The following PTGIS variants were observed in gnomAD, a reference collection of about 807,000 sequenced individuals.
PTGIS encodes the protein prostacyclin synthase.
A neutral mutation model predicts 50.3 loss-of-function variants in PTGIS; 45 were observed. The observed-to-expected ratio is 0.90, with a 90% CI of 0.70 to 1.15. The LOEUF is 1.15. PTGIS is among the 50% of genes most tolerant of loss of function. The probability of loss-of-function intolerance (pLI) is 0.00; values close to 1 mark genes in which losing one functional copy is unlikely to be tolerated. For missense variants in PTGIS, 668 were observed against 661.3 expected (o/e 1.01, Z -0.11); for synonymous variants, 260 against 267.7 (o/e 0.97, Z 0.28).
intron 5 of PTGIS, among the ~76,000 whole-genome samples, chr20:49,527,962 C>T (rs146495159): frequency 0.012 from 1,754 of 151,984 alleles, 33 homozygotes; most frequent in African/African-American, 0.036. Context: ...ATGGTGAAAC[C>T]CCGTCTCTAC....
chr20:49,545,747 G>A (rs924519544), intron 3 of PTGIS, among the ~76,000 whole-genome samples: 19 of 152,120 alleles, frequency 1.2e-4, no homozygotes, highest in African/African-American at 3.6e-4. Flanking sequence ...GTCCATGGGC[G>A]GTGCACAGCC....
chr20:49,509,847 C>A (rs1181219952), intron 9 of PTGIS, among the ~76,000 whole-genome samples: 1 of 147,632 alleles, frequency 6.8e-6, no homozygotes, highest in Non-Finnish European at 1.5e-5. Flanking sequence ...TCCCCCTTTT[C>A]CCTCAATCCC....
chr20:49,523,936 TGCACACACAGGCATAGTCATGTGCAC>T, intron 6 of PTGIS, 96 bp downstream of exon 6: 4 of 1,235,234 alleles, frequency 3.2e-6, no homozygotes, highest in Non-Finnish European at 4.6e-6. Flanking sequence ...TACATACACA[TGCACACACAGGCATAGTCATGTGCAC>T]ACCTGCACAG....
Position 49,539,587 on chromosome 20 carries a change from CG to C in PTGIS, c.655del (p.Arg219ValfsTer117). 3 of 1,613,730 alleles carry C rather than the reference CG, an allele frequency of 1.9e-6. No homozygotes were observed. The highest frequency in any genetic ancestry group is 2.5e-6 in the Non-Finnish European group (3 of 1,179,928). ...QLDRLLPKLA[R>X]GSLSVGDKDH... ...GTGCTTACCCACTGACAGGGAGCCA[CG>C]GGCCAGTTTGGGGAGCAGCCGGTCG... On this transcript the variant is annotated frameshift_variant, in exon 5 of 10. Transcript: ENST00000244043. LOFTEE classifies it high-confidence loss of function.
At chr20:49,533,308 G>GC (rs913283309) in intron 5 of PTGIS, among the ~76,000 whole-genome samples, 1 of 152,088 alleles carries the variant, frequency 6.6e-6, no homozygotes, top group Non-Finnish European at 1.5e-5. Context: ...ATATAAGAAT[G>GC]CCTTTTTCCC....
At chr20:49,563,770 C>T (rs1317890713) in intron 1 of PTGIS, among the ~76,000 whole-genome samples, 2 of 152,194 alleles carry the variant, frequency 1.3e-5, no homozygotes, top group Non-Finnish European at 1.5e-5. Flanking sequence ...CTGCAAGGGC[C>T]CAGACCAGCC....
chr20:49,520,286 G>T (rs960581693), intron 6 of PTGIS, among the ~76,000 whole-genome samples: 1 of 151,550 alleles, frequency 6.6e-6, no homozygotes, highest in East Asian at 1.9e-4. Context: ...GCCTTCCTGG[G>T]CCTGCCTTCC....
At chr20:49,512,091 G>A (rs1981335883) in intron 8 of PTGIS, among the ~76,000 whole-genome samples, 1 of 151,900 alleles carries the variant, frequency 6.6e-6, no homozygotes, top group Non-Finnish European at 1.5e-5. Flanking sequence ...ATGATTGAAT[G>A]GACAGACGGA....
intron 5 of PTGIS, among the ~76,000 whole-genome samples, chr20:49,538,192 C>G (rs933506065): frequency 7.2e-6 from 1 of 139,860 alleles, no homozygotes; most frequent in African/African-American, 2.7e-5. Flanking sequence ...GAGATTGAGG[C>G]TGCAGTGAGC....
Position 49,507,948 on chromosome 20 carries a change from ACGT to A in PTGIS, c.1472_1474del (p.Asp491del), listed in dbSNP as rs1037093909. The A allele has an allele frequency of 6.2e-7, 1 of 1,613,094 alleles. No individual in the cohort carries two copies. Among genetic ancestry groups the A allele is most frequent in the Non-Finnish European group, 8.5e-7 (1 of 1,180,034 alleles). Reference sequence around the variant, plus strand: ...TGGGCGGATGCGGTAGCGGACGGGCACGTCGTGTTCCGGCTGCATCAGACCGAA... The same window carrying A: ...TGGGCGGATGCGGTAGCGGACGGGCACGTGTTCCGGCTGCATCAGACCGAA... On this transcript the variant is annotated inframe_deletion, in exon 10 of 10. Transcript: ENST00000244043.
At chr20:49,517,142 C>G (rs981954027) in intron 6 of PTGIS, among the ~76,000 whole-genome samples, 2 of 152,188 alleles carry the variant, frequency 1.3e-5, no homozygotes, top group Non-Finnish European at 2.9e-5. Context: ...GAAAACAAGT[C>G]GGGGGGGCCT....
chr20:49,549,052 T>A (rs1268534521), intron 2 of PTGIS, among the ~76,000 whole-genome samples: 1 of 152,186 alleles, frequency 6.6e-6, no homozygotes, highest in Non-Finnish European at 1.5e-5. Flanking sequence ...TATAAATAGA[T>A]GTATATCCAG....
At chr20:49,536,478 C>CTTTCT (rs1555804436) in intron 5 of PTGIS, among the ~76,000 whole-genome samples, 472 of 108,702 alleles carry the variant, frequency 4.3e-3, no homozygotes, top group East Asian at 6.9e-3. Context: ...TTCTTTCTTT[C>CTTTCT]TTTTTTTTTT....
chr20:49,547,604 T>TA (rs1982390741), intron 3 of PTGIS, among the ~76,000 whole-genome samples: 1 of 135,566 alleles, frequency 7.4e-6, no homozygotes, highest in Admixed American at 7.1e-5. Context: ...CAGGGCTGCC[T>TA]CCAAACAAAC....
intron 6 of PTGIS, among the ~76,000 whole-genome samples, chr20:49,521,731 C>T (rs1193274538): frequency 2.0e-5 from 3 of 152,246 alleles, no homozygotes; most frequent in Admixed American, 6.5e-5. Context: ...AGAGGAATTA[C>T]CCAGAAATGT....
intron 5 of PTGIS, among the ~76,000 whole-genome samples, chr20:49,527,177 C>T (rs943036187): frequency 3.0e-4 from 45 of 151,536 alleles, no homozygotes; most frequent in Admixed American, 2.8e-3. Flanking sequence ...GGCATGGTGG[C>T]TCACGCCTGC....
intron 1 of PTGIS, among the ~76,000 whole-genome samples, chr20:49,556,383 A>G (rs1018450738): frequency 5.3e-5 from 8 of 152,348 alleles, no homozygotes; most frequent in Middle Eastern, 3.4e-3. Context: ...AACTGGCTTC[A>G]TATACCCTGT....
chr20:49,509,010 T>C (rs956891983), intron 9 of PTGIS, among the ~76,000 whole-genome samples: 1 of 152,208 alleles, frequency 6.6e-6, no homozygotes, highest in Non-Finnish European at 1.5e-5. Flanking sequence ...GGGATTCTTT[T>C]GTCTCACTGA....
intron 2 of PTGIS, 32 bp from the exon 3 acceptor site, chr20:49,548,051 G>C (rs774239902): frequency 6.2e-7 from 1 of 1,601,752 alleles, no homozygotes; most frequent in South Asian, 1.1e-5. Flanking sequence ...AGAGTGAGGA[G>C]TGTCACTGTG....
Sources: gnomAD v4.1 joint callset for allele counts (sites outside exome capture counted in the v4.1 genomes callset) on GRCh38, gnomAD v4.1.1 for gene constraint, MANE v1.5 for transcripts, NCBI Gene and HGNC (gene_info 2026-07-23, HGNC 2026-07-21) for gene names.